The following ALKBH5 variants were observed in gnomAD, a reference collection of about 807,000 sequenced individuals.
ALKBH5 encodes the protein RNA demethylase ALKBH5.
A neutral mutation model predicts 32.1 loss-of-function variants in ALKBH5; 2 were observed. The ratio of observed to expected loss-of-function variants is 0.06; its 90% CI spans 0.03 to 0.20. The LOEUF (loss-of-function observed/expected upper bound fraction) is 0.20, where lower values mean the gene tolerates loss of function less well. Ranked by LOEUF, ALKBH5 falls within the 10% of genes least tolerant of loss-of-function variation. The pLI, the probability that ALKBH5 is intolerant of heterozygous loss-of-function variation, is 1.00. For synonymous variants in ALKBH5, 300 were observed against 231.7 expected (o/e 1.29, Z -2.68); for missense variants, 352 against 559.5 (o/e 0.63, Z 3.74).
intron 2 of ALKBH5, among the ~76,000 whole-genome samples, chr17:18,203,070 T>TA (rs1597842004): frequency 1.2e-4 from 14 of 120,782 alleles, no homozygotes; most frequent in South Asian, 6.2e-4. Context: ...AGATTGTCTT[T>TA]TAAAAAAAAA....
intron 1 of ALKBH5, among the ~76,000 whole-genome samples, chr17:18,189,573 A>G (rs1464792296): frequency 6.6e-6 from 1 of 152,186 alleles, no homozygotes; most frequent in Non-Finnish European, 1.5e-5. Flanking sequence ...CTACCAGGAA[A>G]CACAGATGGG....
intron 2 of ALKBH5, among the ~76,000 whole-genome samples, chr17:18,197,925 C>T (rs567203315): frequency 1.3e-5 from 2 of 152,228 alleles, no homozygotes; most frequent in Middle Eastern, 6.8e-3. Context: ...TGGGGAAGTG[C>T]ACAGCTGTGG....
intron 2 of ALKBH5, among the ~76,000 whole-genome samples, chr17:18,196,654 CTT>C: frequency 6.6e-6 from 1 of 152,210 alleles, no homozygotes; most frequent in Non-Finnish European, 1.5e-5. Flanking sequence ...ATCAATGTAA[CTT>C]AACACTATTG....
chr17:18,184,702 G>A lies in ALKBH5; in HGVS notation c.459G>A (p.Glu153=). The A allele has an allele frequency of 6.2e-7, 1 of 1,613,082 alleles. No homozygotes were observed. Among genetic ancestry groups the A allele is most frequent in the Non-Finnish European group, 8.5e-7 (1 of 1,179,740 alleles). ...AQLQKRGPGQ[E]RLYPPGDVDE... The stretch of plus-strand genomic sequence containing the variant: ...TGCAGAAGCGCGGGCCCGGCCAGGA[G>A]CGCCTCTACCCGCCGGGCGACGTGG... The change falls in exon 1 of 4, where the codon GAG becomes GAA. Residue 153 remains glutamate, a synonymous_variant. Coordinates refer to ENST00000399138, the MANE Select transcript of ALKBH5 (RefSeq NM_017758.4).
chr17:18,192,460 G>C (rs2047181761), intron 1 of ALKBH5, among the ~76,000 whole-genome samples: 1 of 152,106 alleles, frequency 6.6e-6, no homozygotes, highest in South Asian at 2.1e-4. Flanking sequence ...TTAAAATCTT[G>C]TAATATTAGT....
chr17:18,187,458 G>C (rs888588511), intron 1 of ALKBH5, among the ~76,000 whole-genome samples: 13 of 152,180 alleles, frequency 8.5e-5, no homozygotes, highest in African/African-American at 1.4e-4. Context: ...TGTTGAGGCT[G>C]TTCGTGCATT....
At chr17:18,196,618 T>C (rs1395730810) in intron 2 of ALKBH5, among the ~76,000 whole-genome samples, 1 of 152,260 alleles carries the variant, frequency 6.6e-6, no homozygotes, top group African/African-American at 2.4e-5. Context: ...TATGCCATTT[T>C]TACTACATAA....
rs2047272469 is a variant in ALKBH5, at chr17:18,206,943, G to A, written c.980G>A (p.Arg327His). 5.0e-6 allele frequency: 8 copies of A among 1,614,096 alleles called. No homozygotes were observed. Among genetic ancestry groups the A allele is most frequent in the Admixed American group, 3.3e-5 (2 of 60,000 alleles). Residue 327 changes from arginine to histidine, a missense_variant, in exon 3 of 4, where the codon CGC becomes CAC. Coordinates refer to ENST00000399138, the MANE Select transcript of ALKBH5 (RefSeq NM_017758.4). ...DPALKPKRSH[R>H]KADPDAAHRP... ...GCTCTGAAACCCAAGCGGTCCCACC[G>A]CAAGGCAGACCCTGATGCTGCCCAC... is the stretch of plus-strand genomic sequence containing the variant.
At chr17:18,195,930 T>C (rs2047201733) in intron 2 of ALKBH5, among the ~76,000 whole-genome samples, 1 of 152,078 alleles carries the variant, frequency 6.6e-6, no homozygotes, top group Non-Finnish European at 1.5e-5. Flanking sequence ...TCTGTCGTCT[T>C]CTTCCTTCCT....
intron 2 of ALKBH5, among the ~76,000 whole-genome samples, chr17:18,200,096 C>CAA (rs1176852819): frequency 1.9e-5 from 2 of 107,846 alleles, no homozygotes; most frequent in Non-Finnish European, 1.9e-5. Context: ...GACTCCATCT[C>CAA]AAAAAAAAAA....
Position 18,184,038 on chromosome 17 carries a change from T to A in ALKBH5, c.-206T>A. Reference sequence around the variant, plus strand: ...AAGGTGGAGGAGGAAGAAGCCCCGTTGTCGCCACCGTTGCATGACCCGCCG... The same window carrying A: ...AAGGTGGAGGAGGAAGAAGCCCCGTAGTCGCCACCGTTGCATGACCCGCCG... On this transcript the variant is annotated 5_prime_UTR_variant, in exon 1 of 4. Coordinates refer to ENST00000399138, the MANE Select transcript of ALKBH5 (RefSeq NM_017758.4). 1.5e-6 allele frequency: 1 copy of A among 676,370 alleles called. No homozygotes were observed. 41.9% of individuals were successfully genotyped at this position (676,370 alleles called of 1,614,324 possible). A position where few individuals can be genotyped will look rare whatever the true frequency, so the allele number is the denominator to read the frequency against.
chr17:18,192,606 G>T (rs753567746), intron 1 of ALKBH5, among the ~76,000 whole-genome samples: 4 of 152,178 alleles, frequency 2.6e-5, no homozygotes, highest in Non-Finnish European at 4.4e-5. Context: ...CACAAAGCTA[G>T]TAGGAGACAA....
chr17:18,206,097 T>C (rs897330153), intron 2 of ALKBH5, among the ~76,000 whole-genome samples: 4 of 152,204 alleles, frequency 2.6e-5, no homozygotes, highest in African/African-American at 7.2e-5. Flanking sequence ...GAGTTACCGC[T>C]ACCCAGCTTC....
At position 18,209,540 on chromosome 17, in the gene ALKBH5, G is replaced by A. The variant is rs1597844817; in HGVS notation, c.*1144G>A. 6.6e-6 allele frequency: 1 copy of A among 152,382 alleles called. No individual in the cohort carries two copies. Among genetic ancestry groups the A allele is most frequent in the African/African-American group, 2.4e-5 (1 of 41,578 alleles). The allele number at this position is 152,382 out of a possible 1,614,324, so 9.4% of individuals were successfully genotyped here. ...TTCAAAAAATAATAAGGAAAAAAAG[G>A]TAAAGTCTTTGGTAGCTTCTATCCA... On this transcript the variant is annotated 3_prime_UTR_variant, in exon 4 of 4. Coordinates refer to ENST00000399138, the MANE Select transcript of ALKBH5 (RefSeq NM_017758.4).
intron 2 of ALKBH5, among the ~76,000 whole-genome samples, chr17:18,199,477 TG>T (rs2047223777): frequency 6.6e-6 from 1 of 152,224 alleles, no homozygotes. Context: ...CTTCTGCTCC[TG>T]GTAGGCCTTG....
intron 2 of ALKBH5, among the ~76,000 whole-genome samples, chr17:18,199,259 G>A (rs985587808): frequency 5.3e-5 from 8 of 152,174 alleles, no homozygotes; most frequent in African/African-American, 1.7e-4. Flanking sequence ...GCAAGCTGCC[G>A]CAGCATGCAA....
intron 2 of ALKBH5, among the ~76,000 whole-genome samples, chr17:18,202,295 G>A (rs1250121342): frequency 2.0e-5 from 3 of 151,992 alleles, no homozygotes; most frequent in East Asian, 1.9e-4. Context: ...GCGACAGAGC[G>A]AGACTCCGAC....
In ALKBH5 at chr17:18,203,447, G is replaced by GT. The variant is rs2047253005; in HGVS notation, c.852-3367dup. On this transcript the variant is annotated intron_variant, in intron 2 of 3. Transcript: ENST00000399138. ...TTGTGACCTCCCTTGTCCCTGCTTT[G>GT]TCCTGACACGGTAGGTGGCCGCTCT... 3.3e-5 allele frequency among the ~76,000 whole-genome samples: 5 copies of GT among 152,198 alleles called. No individual in the cohort carries two copies. In the South Asian group the frequency reaches 1.0e-3, roughly 31 times the overall value.
chr17:18,194,938 T>G lies in ALKBH5; in HGVS notation c.771-17T>G. 6.2e-7 allele frequency: 1 copy of G among 1,613,374 alleles called. No individual in the cohort carries two copies. Among genetic ancestry groups the G allele is most frequent in the Non-Finnish European group, 8.5e-7 (1 of 1,179,578 alleles). On this transcript the variant is annotated splice_polypyrimidine_tract_variant and intron_variant, in intron 1 of 3. Transcript: ENST00000399138. Reference sequence around the variant, plus strand: ...CTGTCTACTCTTCATGGTCACATGTTCTGTGTTTCTTTTCAGTGGATATGC... The same window carrying G: ...CTGTCTACTCTTCATGGTCACATGTGCTGTGTTTCTTTTCAGTGGATATGC...
Sources: gnomAD v4.1 joint callset for allele counts (sites outside exome capture counted in the v4.1 genomes callset) on GRCh38, gnomAD v4.1.1 for gene constraint, MANE v1.5 for transcripts, NCBI Gene and HGNC (gene_info 2026-07-23, HGNC 2026-07-21) for gene names.